Variants in MYO16 observed in about 807,000 individuals in gnomAD.
MYO16 encodes the protein myosin XVI.
MYO16 carries 94 observed loss-of-function variants against 205.3 expected under a neutral mutation model. That is an observed-to-expected ratio of 0.46 (90% CI 0.39 to 0.54). The LOEUF is 0.54. Among genes scored for constraint, MYO16 ranks in the 20% least tolerant of loss-of-function variants. The pLI, the probability that MYO16 is intolerant of heterozygous loss-of-function variation, is 0.00. For missense variants in MYO16, 2,315 were observed against 2,387.5 expected (o/e 0.97, Z 0.63); for synonymous variants, 988 against 954.0 (o/e 1.04, Z -0.66).
intron 27 of MYO16, among the ~76,000 whole-genome samples, chr13:109,097,573 C>T (rs150299620): frequency 4.6e-5 from 7 of 152,252 alleles, no homozygotes; most frequent in East Asian, 1.9e-4. Context: ...CAGTACACGG[C>T]GTGTAAGAAA....
intron 12 of MYO16, among the ~76,000 whole-genome samples, chr13:108,868,804 C>T (rs944956543): frequency 6.6e-6 from 1 of 151,646 alleles, no homozygotes; most frequent in African/African-American, 2.4e-5. Context: ...GACGTAAACC[C>T]AGCTACTTGG....
chr13:108,694,061 T>G (rs1259492837), intron 2 of MYO16, among the ~76,000 whole-genome samples: 2 of 152,202 alleles, frequency 1.3e-5, no homozygotes, highest in African/African-American at 4.8e-5. Context: ...TATGGCCACA[T>G]AGTATTTCAT....
intron 1 of MYO16, among the ~76,000 whole-genome samples, chr13:108,600,216 C>G (rs1234063282): frequency 6.6e-6 from 1 of 152,120 alleles, no homozygotes; most frequent in East Asian, 1.9e-4. Flanking sequence ...AAAGGTTGTT[C>G]AAGAGTTTCT....
At chr13:108,834,124 A>G (rs1353189437) in intron 9 of MYO16, among the ~76,000 whole-genome samples, 1 of 152,220 alleles carries the variant, frequency 6.6e-6, no homozygotes, top group Non-Finnish European at 1.5e-5. Context: ...GAAAGACTTT[A>G]CTAAAAACTA....
the MYO16 span, among the ~76,000 whole-genome samples, chr13:108,570,862 G>A: frequency 4.1e-4 from 62 of 152,316 alleles, no homozygotes; most frequent in African/African-American, 1.4e-3. Context: ...TGGTTCTGTA[G>A]AGAGATTAAT....
rs950006091 is a variant in MYO16, at chr13:109,127,541, G to A, written c.4042G>A (p.Ala1348Thr). Residue 1348 changes from alanine (A) to threonine (T), a missense_variant, in exon 31 of 35, where the codon GCC becomes ACC. Around this residue, in one of 3 missense-constraint regions of MYO16, gnomAD observed 1,097 missense variants for 1,092.0 expected, o/e 1.00. Coordinates refer to ENST00000457511, the MANE Select transcript of MYO16 (RefSeq NM_001198950.3). This position sits in a 1 kb window ranked among gnomAD's most constrained non-coding sequence, Gnocchi z 4.2. ...SACLSAAREA[A>T]NEALARPRPH... is the part of the protein sequence containing the mutation. ...CTGCCTCTCCGCGGCCAGGGAAGCGGCCAACGAAGGTCAGCCCTGGGGAGG... is the reference window on the plus strand; with the variant it reads ...CTGCCTCTCCGCGGCCAGGGAAGCGACCAACGAAGGTCAGCCCTGGGGAGG... 6.2e-7 allele frequency: 1 copy of A among 1,609,904 alleles called. No homozygotes were observed. Among genetic ancestry groups the A allele is most frequent in the Non-Finnish European group, 8.5e-7 (1 of 1,179,754 alleles).
intron 32 of MYO16, among the ~76,000 whole-genome samples, chr13:109,153,993 T>A (rs1877840092): frequency 6.6e-6 from 1 of 152,086 alleles, no homozygotes; most frequent in African/African-American, 2.4e-5. Flanking sequence ...GGAAATTGGG[T>A]CACGTGAGCA....
chr13:108,525,431 G>C, the MYO16 span, among the ~76,000 whole-genome samples: 2 of 152,150 alleles, frequency 1.3e-5, no homozygotes, highest in African/African-American at 4.8e-5. Flanking sequence ...GAGCCATGTG[G>C]GGAGGTTGCT....
chr13:108,502,985 A>C, the MYO16 span, among the ~76,000 whole-genome samples: 1 of 152,204 alleles, frequency 6.6e-6, no homozygotes, highest in Non-Finnish European at 1.5e-5. Flanking sequence ...TTTTATATTG[A>C]GTGTAGCTTG....
chr13:109,127,269 G>T lies in MYO16; in HGVS notation c.3783-13G>T. 3.9e-6 allele frequency: 6 copies of T among 1,556,660 alleles called. No homozygotes were observed. The highest frequency in any genetic ancestry group is 4.4e-6 in the Non-Finnish European group (5 of 1,146,464). On this transcript the variant is annotated splice_polypyrimidine_tract_variant and intron_variant, in intron 30 of 34. Coordinates refer to ENST00000457511, the MANE Select transcript of MYO16 (RefSeq NM_001198950.3). This position sits in a 1 kb window ranked among gnomAD's most constrained non-coding sequence, Gnocchi z 4.2. ...TCTGGCGTGGTGCTGTTTGTGTTTTGTTTCCCCCTAAGAACCGATGACAAG... is the reference window on the plus strand; with the variant it reads ...TCTGGCGTGGTGCTGTTTGTGTTTTTTTTCCCCCTAAGAACCGATGACAAG...
chr13:109,122,064 G>A (rs932869248), intron 29 of MYO16, among the ~76,000 whole-genome samples: 45 of 152,268 alleles, frequency 3.0e-4, no homozygotes, highest in African/African-American at 1.1e-3. Context: ...GAACACCAGC[G>A]ACACCAACAT....
In MYO16 at chr13:108,855,583, T is replaced by G. The variant is rs748454814; in HGVS notation, c.1359+30T>G. The G allele has an allele frequency of 2.8e-6, 4 of 1,423,588 alleles. 1 individual carries two copies. The East Asian group carries it at 9.3e-5, about 33-fold the overall frequency. 88.2% of individuals were successfully genotyped at this position (1,423,588 alleles called of 1,614,324 possible). ...GTGCCCTGGAAATTGCCTTTTGCACTGTTTTTCTCTTGCTGCATATTTTTA... is the reference window on the plus strand; with the variant it reads ...GTGCCCTGGAAATTGCCTTTTGCACGGTTTTTCTCTTGCTGCATATTTTTA... On this transcript the variant is annotated intron_variant, in intron 11 of 34. Coordinates refer to ENST00000457511, the MANE Select transcript of MYO16 (RefSeq NM_001198950.3).
At chr13:108,824,448 T>A (rs1387967886) in intron 9 of MYO16, among the ~76,000 whole-genome samples, 1 of 152,112 alleles carries the variant, frequency 6.6e-6, no homozygotes, top group Non-Finnish European at 1.5e-5. Context: ...TGAATTTATA[T>A]ATTCATATTC....
At chr13:109,026,606 A>G (rs1886371628) in intron 23 of MYO16, among the ~76,000 whole-genome samples, 1 of 152,218 alleles carries the variant, frequency 6.6e-6, no homozygotes, top group African/African-American at 2.4e-5. Context: ...ACAGATGATA[A>G]GAGTAGTAGT....
chr13:108,668,983 G>T (rs1296148271), intron 2 of MYO16, among the ~76,000 whole-genome samples: 1 of 152,096 alleles, frequency 6.6e-6, no homozygotes, highest in African/African-American at 2.4e-5. Context: ...CAGTAGGAGT[G>T]CCTCTAGGAG....
rs536200637 is a variant in MYO16, at chr13:108,856,522, T to C, written c.1359+969T>C. On this transcript the variant is annotated intron_variant, in intron 11 of 34. Transcript: ENST00000457511. ...ACTTCTGTTAAAATTAATGAAATCA[T>C]GTCATTGGCATAAAGTGGTGAGAGC... Among the ~76,000 whole-genome samples, 4 of 152,348 alleles carry C rather than the reference T, an allele frequency of 2.6e-5. No individual in the cohort carries two copies. The East Asian group carries it at 7.7e-4, about 29-fold the overall frequency.
chr13:108,558,586 C>T, the MYO16 span, among the ~76,000 whole-genome samples: 5 of 152,176 alleles, frequency 3.3e-5, no homozygotes, highest in African/African-American at 4.8e-5. Context: ...TTTGCTGTCT[C>T]GCAGCAGAAG....
intron 1 of MYO16, among the ~76,000 whole-genome samples, chr13:108,643,970 G>A (rs4502081): frequency 0.18 from 27,698 of 152,010 alleles, 3,859 homozygotes; most frequent in African/African-American, 0.38. Context: ...GAAATATTAG[G>A]TAAACCATTC....
chr13:108,997,681 A>C (rs1001003327), intron 21 of MYO16, among the ~76,000 whole-genome samples: 1 of 152,092 alleles, frequency 6.6e-6, no homozygotes, highest in Non-Finnish European at 1.5e-5. Context: ...TCTACTAAAA[A>C]TACAAAAATT....
Sources: allele counts gnomAD v4.1 joint callset (sites outside exome capture counted in the v4.1 genomes callset), GRCh38; gene constraint gnomAD v4.1.1; regional missense constraint gnomAD v4.1.1; non-coding constraint Gnocchi (gnomAD v3.1); transcripts MANE v1.5; gene names NCBI Gene and HGNC (gene_info 2026-07-23, HGNC 2026-07-21).